GBE1: variants seen among roughly 807,000 people sequenced by gnomAD.
The protein encoded by GBE1 is 1,4-alpha-glucan branching enzyme 1.
In GBE1, 70 loss-of-function variants were observed where a neutral mutation model predicts 88.8. The ratio of observed to expected loss-of-function variants is 0.79; its 90% CI spans 0.65 to 0.96. The LOEUF (loss-of-function observed/expected upper bound fraction) is 0.96, where lower values mean the gene tolerates loss of function less well. Ranked by LOEUF, GBE1 falls within the 40% of genes least tolerant of loss-of-function variation. The pLI is 0.00. For missense variants in GBE1, 872 were observed against 871.0 expected, an observed-to-expected ratio of 1.00 and a Z score of -0.01; for synonymous variants, 284 against 300.1, an observed-to-expected ratio of 0.95 and a Z score of 0.56.
At chr3:81,567,341 G>A (rs1413541420) in intron 12 of GBE1, among the ~76,000 whole-genome samples, 1 of 152,132 alleles carries the variant, frequency 6.6e-6, no homozygotes, top group East Asian at 1.9e-4. Context: ...GTTCCTCTGG[G>A]ATCCTGGACT....
In GBE1 at chr3:81,605,498, A is replaced by G. The variant is rs73853356; in HGVS notation, c.993-11475T>C. On this transcript the variant is annotated intron_variant, in intron 7 of 15. Coordinates refer to ENST00000429644, the MANE Select transcript of GBE1 (RefSeq NM_000158.4). The stretch of plus-strand genomic sequence containing the variant: ...TACATGGAAACGCACATAACAGTGC[A>G]TATTTATGACAGTCAATTTGACCTG... 7.6e-3 allele frequency among the ~76,000 whole-genome samples: 1,163 copies of G among 152,294 alleles called. 23 individuals carry two copies. Among genetic ancestry groups the G allele is most frequent in the African/African-American group, 0.027 (1,109 of 41,572 alleles).
intron 7 of GBE1, among the ~76,000 whole-genome samples, chr3:81,618,432 C>T (rs1704279740): frequency 5.9e-5 from 9 of 152,040 alleles, no homozygotes; most frequent in Admixed American, 5.9e-4. Context: ...CATGAAAAAA[C>T]TGTAGAGAAG....
At chr3:81,520,601 G>A (rs1281902602) in intron 14 of GBE1, among the ~76,000 whole-genome samples, 1 of 151,476 alleles carries the variant, frequency 6.6e-6, no homozygotes, top group Non-Finnish European at 1.5e-5. Context: ...GATATAAAAG[G>A]CATTATGTTT....
In GBE1 at chr3:81,642,765, T is replaced by C. The variant is rs1361478399; in HGVS notation, c.992+16A>G. On this transcript the variant is annotated intron_variant, in intron 7 of 15. Transcript: ENST00000429644. The stretch of plus-strand genomic sequence containing the variant: ...ACAGCAACAATAGAAAACATTTCTA[T>C]ATTGTATGTACCTACCTGGAGTAGG... The C allele has an allele frequency of 2.0e-6, 3 of 1,487,686 alleles. No homozygotes were observed. Among genetic ancestry groups the C allele is most frequent in the African/African-American group, 2.8e-5 (2 of 72,256 alleles). The allele number at this position is 1,487,686 out of a possible 1,614,324, so 92.2% of individuals were successfully genotyped here.
intron 2 of GBE1, among the ~76,000 whole-genome samples, chr3:81,688,785 T>C (rs1705478066): frequency 6.6e-6 from 1 of 151,718 alleles, no homozygotes; most frequent in Non-Finnish European, 1.5e-5. Flanking sequence ...TTACTTGTAT[T>C]TTAAAACAGA....
At chr3:81,702,550 T>C (rs1192715996) in intron 2 of GBE1, among the ~76,000 whole-genome samples, 2 of 152,014 alleles carry the variant, frequency 1.3e-5, no homozygotes, top group Non-Finnish European at 2.9e-5. Context: ...ATCTCTTCAA[T>C]AAAAATAAAG....
At chr3:81,519,178 T>G (rs1167397957) in intron 14 of GBE1, among the ~76,000 whole-genome samples, 1 of 151,610 alleles carries the variant, frequency 6.6e-6, no homozygotes, top group African/African-American at 2.4e-5. Flanking sequence ...CAGTAAATCA[T>G]CCAAGTGACC....
chr3:81,490,586 T>C, intron 15 of GBE1, 123 bp from the exon 16 acceptor site: 2 of 799,668 alleles, frequency 2.5e-6, no homozygotes, highest in Non-Finnish European at 4.2e-6. Context: ...CCTTTACAAT[T>C]TTACAAGCTC....
chr3:81,546,802 T>C (rs111340693), intron 12 of GBE1, among the ~76,000 whole-genome samples: 3 of 151,368 alleles, frequency 2.0e-5, no homozygotes, highest in Non-Finnish European at 4.4e-5. Context: ...ATGGAGTAGC[T>C]ATTCGTTCAT....
At chr3:81,612,830 T>C in intron 7 of GBE1, 1 of 430,678 alleles carries the variant, frequency 2.3e-6, no homozygotes, top group South Asian at 1.9e-5. Flanking sequence ...ACTATTCTGA[T>C]GCAGGTGTGG....
At chr3:81,551,859 G>C (rs1703275757) in intron 12 of GBE1, among the ~76,000 whole-genome samples, 1 of 152,118 alleles carries the variant, frequency 6.6e-6, no homozygotes, top group African/African-American at 2.4e-5. Flanking sequence ...AAATGCTCCT[G>C]TTCCATCTAA....
intron 12 of GBE1, among the ~76,000 whole-genome samples, chr3:81,564,332 A>G (rs1189492573): frequency 1.3e-5 from 2 of 152,078 alleles, no homozygotes; most frequent in Admixed American, 1.3e-4. Context: ...TTCTCACTCC[A>G]TCTTTAAAAG....
chr3:81,683,276 T>C (rs1705380458), intron 2 of GBE1, among the ~76,000 whole-genome samples: 1 of 152,308 alleles, frequency 6.6e-6, no homozygotes, highest in South Asian at 2.1e-4. Flanking sequence ...AATAAAACTT[T>C]TTTTAAAAGT....
chr3:81,562,956 A>G (rs1470590504), intron 12 of GBE1, among the ~76,000 whole-genome samples: 1 of 151,878 alleles, frequency 6.6e-6, no homozygotes, highest in African/African-American at 2.4e-5. Context: ...AGAGAAATTC[A>G]TCTTTTAAAC....
At chr3:81,659,671 A>G (rs1704995164) in intron 3 of GBE1, among the ~76,000 whole-genome samples, 1 of 151,710 alleles carries the variant, frequency 6.6e-6, no homozygotes. Flanking sequence ...TCTAAGTGCC[A>G]TTGCAATGAA....
chr3:81,525,131 A>T (rs893805622), intron 14 of GBE1, among the ~76,000 whole-genome samples: 2 of 151,836 alleles, frequency 1.3e-5, no homozygotes, highest in African/African-American at 2.4e-5. Flanking sequence ...GATGCTTGAT[A>T]TTATTTCAAT....
intron 7 of GBE1, among the ~76,000 whole-genome samples, chr3:81,634,334 T>G (rs924698241): frequency 2.0e-5 from 3 of 152,242 alleles, no homozygotes; most frequent in Non-Finnish European, 4.4e-5. Flanking sequence ...GAAACTCAAA[T>G]GTAAGCAGCT....
chr3:81,602,617 C>A (rs1487375374), intron 7 of GBE1, among the ~76,000 whole-genome samples: 3 of 152,014 alleles, frequency 2.0e-5, no homozygotes, highest in African/African-American at 7.2e-5. Context: ...CCATTCAGAG[C>A]GTGGAGCCCT....
rs977457332 is a variant in GBE1 at position 81,557,042 on chromosome 3, C to T, written c.1619-19947G>A. Among the ~76,000 whole-genome samples, 4 of 151,846 alleles carry T rather than the reference C, an allele frequency of 2.6e-5. No individual in the cohort carries two copies. In the East Asian group the frequency reaches 7.7e-4, roughly 29 times the overall value. Reference sequence around the variant, plus strand: ...CAGTAAAATAGGTACCATTATAATCCCCTTTCTTAAACGATGAAGTTGAGG... The same window carrying T: ...CAGTAAAATAGGTACCATTATAATCTCCTTTCTTAAACGATGAAGTTGAGG... On this transcript the variant is annotated intron_variant, in intron 12 of 15. Coordinates refer to ENST00000429644, the MANE Select transcript of GBE1 (RefSeq NM_000158.4).
Sources: allele counts gnomAD v4.1 joint callset (sites outside exome capture counted in the v4.1 genomes callset), GRCh38; gene constraint gnomAD v4.1.1; transcripts MANE v1.5; gene names NCBI Gene and HGNC (gene_info 2026-07-23, HGNC 2026-07-21).